The following ACCS variants were observed in gnomAD, a reference collection of about 807,000 sequenced individuals.
ACCS encodes the protein 1-aminocyclopropane-1-carboxylate synthase-like protein 1.
In ACCS, 42 loss-of-function variants were observed where a neutral mutation model predicts 59.8. That is an observed-to-expected ratio of 0.70 (90% CI 0.55 to 0.91). ACCS has a LOEUF of 0.91. ACCS is among the 40% of genes least tolerant of loss of function. ACCS has a pLI of 0.00. For missense variants in ACCS, 602 were observed against 630.4 expected, an observed-to-expected ratio of 0.95 and a Z score of 0.48; for synonymous variants, 230 against 240.3, an observed-to-expected ratio of 0.96 and a Z score of 0.40.
chr11:44,073,822 G>A (rs1005407556), intron 4 of ACCS, among the ~76,000 whole-genome samples: 41 of 152,178 alleles, frequency 2.7e-4, no homozygotes, highest in African/African-American at 9.9e-4. Context: ...TGGGTTTAAA[G>A]CATGGGGAGG....
intron 2 of ACCS, among the ~76,000 whole-genome samples, chr11:44,069,956 C>T (rs1400191555): frequency 6.6e-6 from 1 of 152,320 alleles, no homozygotes; most frequent in East Asian, 1.9e-4. Context: ...ATGCAGTTAT[C>T]TAGGGAAGAG....
intron 2 of ACCS, among the ~76,000 whole-genome samples, chr11:44,069,615 G>T (rs1203707034): frequency 6.6e-6 from 1 of 152,220 alleles, no homozygotes; most frequent in Non-Finnish European, 1.5e-5. Flanking sequence ...AGGTTGACTT[G>T]GGGCCAAGGG....
intron 3 of ACCS, chr11:44,072,474 G>A (rs1039771030): frequency 6.6e-6 from 1 of 151,956 alleles, no homozygotes; most frequent in Non-Finnish European, 1.5e-5. Flanking sequence ...GATTTTAAAG[G>A]CCTGTTTTAC....
chr11:44,074,516 T>G, intron 4 of ACCS, 96 bp from the exon 5 acceptor site: 1 of 922,140 alleles, frequency 1.1e-6, no homozygotes, highest in South Asian at 1.4e-5. Flanking sequence ...TAGGGAAGAG[T>G]GATGGCAGCT....
rs1286488156 is a variant in ACCS at position 44,083,479 on chromosome 11, A to G, written c.1310A>G (p.Asp437Gly). ...ATGCTGCTCTGGCGCCGCTTTTTGG[A>G]CAACAAGGTGCTGCTGTCCTTTGGC... ...EEMLLWRRFL[D>G]NKVLLSFGKA... The change falls in exon 14 of 15, where the codon GAC (aspartate) becomes GGC (glycine). Residue 437 changes from aspartate to glycine, a missense_variant. Physicochemically the swap from Asp to Gly is moderately conservative, Grantham distance 94. Coordinates refer to ENST00000263776, the MANE Select transcript of ACCS (RefSeq NM_032592.4). The G allele has an allele frequency of 1.2e-6, 2 of 1,614,014 alleles. No individual in the cohort carries two copies. Among genetic ancestry groups the G allele is most frequent in the Non-Finnish European group, 8.5e-7 (1 of 1,180,026 alleles).
In ACCS at chr11:44,071,289, C is replaced by A. The variant is rs760859659; in HGVS notation, c.322C>A (p.Leu108Ile). 1.2e-6 allele frequency: 2 copies of A among 1,614,110 alleles called. No homozygotes were observed. Among genetic ancestry groups the A allele is most frequent in the Non-Finnish European group, 1.7e-6 (2 of 1,179,990 alleles). The part of the protein sequence containing the change: ...IINLGTSENK[L>I]CFDLLSWRLS... ...TAACTTGGGCACCAGTGAGAACAAA[C>A]TCTGCTTTGACCTGCTGTCCTGGCG... Residue 108 changes from leucine to isoleucine, a missense_variant, in exon 3 of 15, where the codon CTC becomes ATC. By Grantham distance (5) the Leu-to-Ile change is conservative. Coordinates refer to ENST00000263776, the MANE Select transcript of ACCS (RefSeq NM_032592.4).
chr11:44,067,216 T>C (rs766532147), intron 1 of ACCS: 2 of 176,130 alleles, frequency 1.1e-5, no homozygotes, highest in African/African-American at 2.4e-5. Flanking sequence ...ATCCTACCCT[T>C]TACACCACAA....
At chr11:44,072,052 G>A (rs1257514784) in intron 3 of ACCS, among the ~76,000 whole-genome samples, 8 of 152,196 alleles carry the variant, frequency 5.3e-5, no homozygotes, top group Non-Finnish European at 1.0e-4. Flanking sequence ...CAGTGGCAGA[G>A]TTTGGGTTTG....
intron 2 of ACCS, among the ~76,000 whole-genome samples, chr11:44,070,382 T>A (rs1273964162): frequency 1.3e-5 from 2 of 152,136 alleles, no homozygotes; most frequent in Non-Finnish European, 2.9e-5. Context: ...GGTTGGACTG[T>A]GCATGTGTTT....
chr11:44,077,894 A>C lies in ACCS; in HGVS notation c.704A>C (p.Glu235Ala), dbSNP rs1953454313. 1.9e-6 allele frequency: 3 copies of C among 1,613,930 alleles called. No homozygotes were observed. The highest frequency in any genetic ancestry group is 2.5e-6 in the Non-Finnish European group (3 of 1,179,994). The change falls in exon 8 of 15, where the codon GAG becomes GCG. Residue 235 changes from glutamate (E) to alanine (A), a missense_variant. By Grantham distance (107) the Glu-to-Ala change is moderately radical (BLOSUM62 -1). Transcript: ENST00000263776. The stretch of plus-strand genomic sequence containing the variant: ...TTCCAGCTCACAGTGGAGAAGCTGG[A>C]GATGGCCCTGAGAGAAGCTCACTCT... ...RPFQLTVEKLEMALREAHSEG... is the reference protein window; with the variant it reads ...RPFQLTVEKLAMALREAHSEG...
chr11:44,077,420 G>A (rs1214962882), intron 7 of ACCS, 44 bp downstream of exon 7: 4 of 1,611,364 alleles, frequency 2.5e-6, no homozygotes, highest in Admixed American at 1.7e-5. Context: ...CCTGCCTGTG[G>A]TCAAGAGTTT....
chr11:44,083,616 C>G, intron 14 of ACCS, 39 bp downstream of exon 14: 2 of 1,614,150 alleles, frequency 1.2e-6, no homozygotes, highest in Non-Finnish European at 1.7e-6. Context: ...CTAACTGCAG[C>G]CTTCACTGTG....
chr11:44,080,983 C>G (rs902077220), intron 10 of ACCS, 37 bp from the exon 11 acceptor site: 51 of 1,613,310 alleles, frequency 3.2e-5, no homozygotes, highest in Non-Finnish European at 4.1e-5. Flanking sequence ...TTCCATAGTT[C>G]TGTGTTGCCT....
intron 9 of ACCS, chr11:44,079,016 C>T (rs958439462): frequency 1.1e-5 from 6 of 523,720 alleles, no homozygotes; most frequent in African/African-American, 9.5e-5. Flanking sequence ...GGCCAGGCAC[C>T]ATGCTAAGCA....
intron 2 of ACCS, among the ~76,000 whole-genome samples, chr11:44,069,103 G>T (rs1032928966): frequency 6.6e-6 from 1 of 152,172 alleles, no homozygotes; most frequent in African/African-American, 2.4e-5. Context: ...GATTGTGTTA[G>T]TTATCTATTG....
chr11:44,073,257 G>T, intron 3 of ACCS, 190 bp from the exon 4 acceptor site: 2 of 624,710 alleles, frequency 3.2e-6, no homozygotes, highest in Non-Finnish European at 5.8e-6. Context: ...CTGTGACCTT[G>T]GCTGAGTGAC....
At chr11:44,068,069 C>G (rs1326059233) in intron 2 of ACCS, among the ~76,000 whole-genome samples, 154 bp downstream of exon 2, 2 of 152,084 alleles carry the variant, frequency 1.3e-5, no homozygotes, top group Admixed American at 6.5e-5. Flanking sequence ...CTTAGAGAGG[C>G]CCCAGTGTAC....
chr11:44,081,803 C>A (rs575591000), intron 12 of ACCS, among the ~76,000 whole-genome samples: 2 of 152,290 alleles, frequency 1.3e-5, no homozygotes, highest in East Asian at 3.9e-4. Flanking sequence ...CCACTACACT[C>A]CAGCTCGGGT....
intron 2 of ACCS, among the ~76,000 whole-genome samples, chr11:44,068,493 T>C (rs1952895606): frequency 6.6e-6 from 1 of 152,072 alleles, no homozygotes; most frequent in Non-Finnish European, 1.5e-5. Flanking sequence ...TGGTCCCAGC[T>C]ACTGGGGAGG....
Sources: allele counts gnomAD v4.1 joint callset (sites outside exome capture counted in the v4.1 genomes callset), GRCh38; gene constraint gnomAD v4.1.1; transcripts MANE v1.5; gene names NCBI Gene and HGNC (gene_info 2026-07-23, HGNC 2026-07-21).